SP4: variants seen among roughly 807,000 people sequenced by gnomAD.
SP4 encodes the protein transcription factor Sp4.
SP4 carries 19 observed loss-of-function variants against 72.8 expected under a neutral mutation model. That is an observed-to-expected ratio of 0.26 (90% CI 0.18 to 0.38). SP4 has a LOEUF of 0.38. Among genes scored for constraint, SP4 ranks in the 10% least tolerant of loss-of-function variants. The probability of loss-of-function intolerance (pLI) is 1.00; values close to 1 mark genes in which losing one functional copy is unlikely to be tolerated. For missense variants in SP4, 1,008 were observed against 926.3 expected (o/e 1.09, Z -1.14); for synonymous variants, 395 against 333.1 (o/e 1.19, Z -2.02).
chr7:21,428,973 T>G, intron 2 of SP4, 181 bp downstream of exon 2: 2 of 604,466 alleles, frequency 3.3e-6, no homozygotes, highest in Non-Finnish European at 5.8e-6. Flanking sequence ...TATAACGCTG[T>G]TTAAAATTAC....
chr7:21,461,008 G>A (rs112883236), intron 3 of SP4, among the ~76,000 whole-genome samples: 1 of 152,210 alleles, frequency 6.6e-6, no homozygotes, highest in East Asian at 1.9e-4. Flanking sequence ...TAGACACAGA[G>A]TGCTGATTGG....
At chr7:21,494,569 A>G (rs1785060339) in intron 5 of SP4, among the ~76,000 whole-genome samples, 1 of 152,198 alleles carries the variant, frequency 6.6e-6, no homozygotes, top group Admixed American at 6.5e-5. Flanking sequence ...CATAAATCTA[A>G]CAAAATATAT....
intron 2 of SP4, 140 bp from the exon 3 acceptor site, chr7:21,429,142 GTTCGTAT>G: frequency 1.7e-6 from 1 of 595,448 alleles, no homozygotes; most frequent in South Asian, 2.2e-5. Flanking sequence ...ATCTACTTTT[GTTCGTAT>G]TTCTTTTTGA....
chr7:21,502,897 A>G (rs1013127186), intron 5 of SP4, among the ~76,000 whole-genome samples: 1 of 152,046 alleles, frequency 6.6e-6, no homozygotes, highest in Non-Finnish European at 1.5e-5. Flanking sequence ...GGGCCAGCCC[A>G]TGTTTTCTTT....
At chr7:21,458,616 A>T (rs372055378) in intron 3 of SP4, among the ~76,000 whole-genome samples, 8 of 152,172 alleles carry the variant, frequency 5.3e-5, no homozygotes, top group African/African-American at 1.7e-4. Flanking sequence ...ATTTGTGTCC[A>T]AGAAAATTAA....
At chr7:21,450,095 G>GT (rs1562594531) in intron 3 of SP4, among the ~76,000 whole-genome samples, 1 of 151,922 alleles carries the variant, frequency 6.6e-6, no homozygotes, top group Non-Finnish European at 1.5e-5. Context: ...ATCTCAACTT[G>GT]TTTTTATGTT....
intron 3 of SP4, among the ~76,000 whole-genome samples, chr7:21,433,194 A>G (rs1223561422): frequency 6.6e-6 from 1 of 152,118 alleles, no homozygotes; most frequent in Non-Finnish European, 1.5e-5. Context: ...AACACTGCCA[A>G]TAGGTGTGGT....
intron 5 of SP4, among the ~76,000 whole-genome samples, chr7:21,486,529 T>A (rs1391007154): frequency 1.3e-5 from 2 of 148,414 alleles, no homozygotes; most frequent in East Asian, 3.9e-4. Flanking sequence ...TTGAAAGTGG[T>A]TTTGGTATTT....
chr7:21,434,466 C>T (rs1336893957), intron 3 of SP4, among the ~76,000 whole-genome samples: 2 of 152,154 alleles, frequency 1.3e-5, no homozygotes, highest in African/African-American at 4.8e-5. Context: ...TAATGTGTTT[C>T]TGTGCTTTGG....
chr7:21,483,274 CTTAT>C (rs2128411539), intron 5 of SP4, among the ~76,000 whole-genome samples: 1 of 151,606 alleles, frequency 6.6e-6, no homozygotes, highest in African/African-American at 2.4e-5. Flanking sequence ...AGAAGTTTTC[CTTAT>C]TTATATGATT....
intron 4 of SP4, among the ~76,000 whole-genome samples, chr7:21,479,092 G>C (rs576527660): frequency 6.6e-6 from 1 of 151,214 alleles, no homozygotes; most frequent in African/African-American, 2.4e-5. Context: ...AAAGAAAAAA[G>C]AAAAATATTG....
At position 21,428,278 on chromosome 7, in the gene SP4, C is replaced by T. The variant is rs908032257; in HGVS notation, c.7+20C>T. Reference sequence around the variant, plus strand: ...TGAGCGGTACGTATTCTCCACCCCCCTCAGTCTCCTTCGCCGCCTCCCTCT... The same window carrying T: ...TGAGCGGTACGTATTCTCCACCCCCTTCAGTCTCCTTCGCCGCCTCCCTCT... On this transcript the variant is annotated intron_variant, in intron 1 of 5. Coordinates refer to ENST00000222584, the MANE Select transcript of SP4 (RefSeq NM_003112.5). 5 of 1,452,680 alleles carry T rather than the reference C, an allele frequency of 3.4e-6. No homozygotes were observed. The highest frequency in any genetic ancestry group is 1.4e-5 in the African/African-American group (1 of 71,040). The allele number at this position is 1,452,680 out of a possible 1,614,324, so 90.0% of individuals were successfully genotyped here.
intron 3 of SP4, among the ~76,000 whole-genome samples, chr7:21,461,996 G>A (rs1784005965): frequency 6.7e-6 from 1 of 149,702 alleles, no homozygotes; most frequent in Non-Finnish European, 1.5e-5. Flanking sequence ...GGGACAGGAA[G>A]TTTCATTTAT....
At chr7:21,505,658 G>A (rs190257656) in intron 5 of SP4, among the ~76,000 whole-genome samples, 56 of 152,304 alleles carry the variant, frequency 3.7e-4, no homozygotes, top group Non-Finnish European at 6.2e-4. Flanking sequence ...TACGTTCATA[G>A]GGTATCTTAC....
At chr7:21,495,875 A>G (rs1781692707) in intron 5 of SP4, among the ~76,000 whole-genome samples, 1 of 152,176 alleles carries the variant, frequency 6.6e-6, no homozygotes, top group Admixed American at 6.5e-5. Flanking sequence ...TCAGCTGGTG[A>G]ATGGATAAAA....
chr7:21,458,736 T>C (rs1281139819), intron 3 of SP4, among the ~76,000 whole-genome samples: 1 of 152,138 alleles, frequency 6.6e-6, no homozygotes, highest in Admixed American at 6.5e-5. Context: ...AGATCTGGAT[T>C]GCTTGGTAGA....
rs956969889 is a variant in SP4, at chr7:21,478,679, T to C, written c.1907+1372T>C. On this transcript the variant is annotated intron_variant, in intron 4 of 5. Transcript: ENST00000222584. ...CTTTGGAGAAATGTTTATTTGGATCTTTTGCCCATTTTAAATTATATTATT... is the reference window on the plus strand; with the variant it reads ...CTTTGGAGAAATGTTTATTTGGATCCTTTGCCCATTTTAAATTATATTATT... Among the ~76,000 whole-genome samples, 31 of 152,254 alleles carry C rather than the reference T, an allele frequency of 2.0e-4. 1 individual carries two copies. The highest frequency in any genetic ancestry group is 7.3e-5 in the Non-Finnish European group (5 of 68,048).
At chr7:21,483,560 C>T (rs1335806393) in intron 5 of SP4, among the ~76,000 whole-genome samples, 1 of 151,800 alleles carries the variant, frequency 6.6e-6, no homozygotes, top group Admixed American at 6.6e-5. Context: ...AATGAGAATA[C>T]AATTTTATTT....
At chr7:21,502,652 C>A (rs1242984932) in intron 5 of SP4, among the ~76,000 whole-genome samples, 1 of 152,168 alleles carries the variant, frequency 6.6e-6, no homozygotes, top group Non-Finnish European at 1.5e-5. Context: ...CCCAGGCATT[C>A]ACATCCCCAT....
Sources: allele counts gnomAD v4.1 joint callset (sites outside exome capture counted in the v4.1 genomes callset), GRCh38; gene constraint gnomAD v4.1.1; transcripts MANE v1.5; gene names NCBI Gene and HGNC (gene_info 2026-07-23, HGNC 2026-07-21).